The following ATXN1 variants were observed in gnomAD, a reference collection of about 807,000 sequenced individuals.
ATXN1 encodes the protein ataxin 1, also known as ataxin-1.
Under a neutral mutation model 56.4 loss-of-function variants are expected in ATXN1, and 8 were observed. The ratio of observed to expected loss-of-function variants is 0.14; its 90% CI spans 0.08 to 0.26. The LOEUF (loss-of-function observed/expected upper bound fraction) is 0.26, where lower values mean the gene tolerates loss of function less well. ATXN1 is among the 10% of genes least tolerant of loss of function. The probability of loss-of-function intolerance (pLI) is 1.00; values close to 1 mark genes in which losing one functional copy is unlikely to be tolerated. For missense variants in ATXN1, 987 were observed against 1,106.5 expected (o/e 0.89, Z 1.53); for synonymous variants, 514 against 494.6 (o/e 1.04, Z -0.52).
intron 3 of ATXN1, among the ~76,000 whole-genome samples, chr6:16,601,962 C>A (rs1295376370): frequency 6.6e-6 from 1 of 152,124 alleles, no homozygotes; most frequent in Non-Finnish European, 1.5e-5. Flanking sequence ...GCAGAAAATT[C>A]TCACGTATTT....
chr6:16,448,463 C>T (rs1364816018), intron 6 of ATXN1, among the ~76,000 whole-genome samples: 1 of 152,142 alleles, frequency 6.6e-6, no homozygotes, highest in Non-Finnish European at 1.5e-5. Context: ...ACTGATATAT[C>T]ACAGGTGTAC....
At chr6:16,635,841 C>T (rs1362350500) in intron 3 of ATXN1, among the ~76,000 whole-genome samples, 1 of 150,018 alleles carries the variant, frequency 6.7e-6, no homozygotes, top group Non-Finnish European at 1.5e-5. Flanking sequence ...AGGCAGGCAA[C>T]CCCGCACAGC....
rs74817128 is a variant in ATXN1, at chr6:16,493,258, C to A, written c.-298-7149G>T. ...CACAATCTGGCCCCAGCATGCTTTT[C>A]CAACTTCATTTCTACTTCTCCCCTC... On this transcript the variant is annotated intron_variant, in intron 5 of 7. Coordinates refer to ENST00000436367, the MANE Select transcript of ATXN1 (RefSeq NM_001128164.2). Among the ~76,000 whole-genome samples the A allele has an allele frequency of 2.0e-5, 3 of 152,296 alleles. No individual in the cohort carries two copies. In the East Asian group the frequency reaches 5.8e-4, roughly 29 times the overall value.
chr6:16,658,246 C>T (rs1758246157), intron 2 of ATXN1, among the ~76,000 whole-genome samples: 1 of 152,138 alleles, frequency 6.6e-6, no homozygotes, highest in South Asian at 2.1e-4. Flanking sequence ...TTCAGTACGT[C>T]TAAGTGATTA....
chr6:16,507,456 C>T (rs1447793323), intron 5 of ATXN1, among the ~76,000 whole-genome samples: 2 of 152,168 alleles, frequency 1.3e-5, no homozygotes, highest in African/African-American at 2.4e-5. Flanking sequence ...CATTTATGAG[C>T]AATGGGCTCA....
In ATXN1 at chr6:16,555,977, G is replaced by A. The variant is rs997670690; in HGVS notation, c.-361+29803C>T. ...CTCTCTAGTTTGGCTTTCTTTGCAA[G>A]AGATCAAAACATTCTTTTTTCTTTA... On this transcript the variant is annotated intron_variant, in intron 4 of 7. Coordinates refer to ENST00000436367, the MANE Select transcript of ATXN1 (RefSeq NM_001128164.2). Among the ~76,000 whole-genome samples the A allele has an allele frequency of 2.0e-5, 3 of 152,302 alleles. No homozygotes were observed. In the South Asian group the frequency reaches 6.2e-4, roughly 32 times the overall value.
intron 4 of ATXN1, among the ~76,000 whole-genome samples, chr6:16,564,212 T>C (rs1291816429): frequency 6.6e-6 from 1 of 152,188 alleles, no homozygotes; most frequent in East Asian, 1.9e-4. Flanking sequence ...TTGATATTCT[T>C]ACCCTTCTAC....
chr6:16,388,908 T>C (rs1758294277), intron 6 of ATXN1, among the ~76,000 whole-genome samples: 1 of 152,176 alleles, frequency 6.6e-6, no homozygotes, highest in Non-Finnish European at 1.5e-5. Flanking sequence ...ATAATTATCA[T>C]TATTTAAAAA....
intron 2 of ATXN1, among the ~76,000 whole-genome samples, chr6:16,725,346 T>C (rs1759826805): frequency 6.6e-6 from 1 of 152,136 alleles, no homozygotes; most frequent in African/African-American, 2.4e-5. Flanking sequence ...TTATTGCGAG[T>C]TCCTTAAGGA....
At chr6:16,348,199 G>T (rs978311104) in intron 6 of ATXN1, among the ~76,000 whole-genome samples, 3 of 152,170 alleles carry the variant, frequency 2.0e-5, no homozygotes, top group African/African-American at 7.2e-5. Flanking sequence ...TAGTAGCTGG[G>T]ATTACAGACT....
chr6:16,644,383 C>T (rs555685049), intron 3 of ATXN1, among the ~76,000 whole-genome samples: 16 of 152,098 alleles, frequency 1.1e-4, no homozygotes, highest in Admixed American at 2.6e-4. Context: ...GGCGTGGCGG[C>T]ATGCGCCTGT....
At chr6:16,347,863 A>G (rs1035123319) in intron 6 of ATXN1, among the ~76,000 whole-genome samples, 2 of 151,922 alleles carry the variant, frequency 1.3e-5, no homozygotes, top group Non-Finnish European at 2.9e-5. Flanking sequence ...CCCTTTCCAC[A>G]CTGTGGAAGC....
At chr6:16,675,987 T>C (rs554629878) in intron 2 of ATXN1, among the ~76,000 whole-genome samples, 15 of 152,264 alleles carry the variant, frequency 9.9e-5, no homozygotes, top group African/African-American at 3.4e-4. Context: ...ATACACATCA[T>C]CATACATGTC....
At chr6:16,400,015 G>A (rs1317845423) in intron 6 of ATXN1, among the ~76,000 whole-genome samples, 1 of 152,120 alleles carries the variant, frequency 6.6e-6, no homozygotes, top group Non-Finnish European at 1.5e-5. Flanking sequence ...CATCACTAGG[G>A]AGCATGTGGG....
intron 4 of ATXN1, among the ~76,000 whole-genome samples, chr6:16,546,497 C>A (rs1761817305): frequency 6.6e-6 from 1 of 152,170 alleles, no homozygotes; most frequent in East Asian, 1.9e-4. Flanking sequence ...ACGTTTTTAA[C>A]TGGACCCTGA....
intron 2 of ATXN1, among the ~76,000 whole-genome samples, chr6:16,660,937 C>T (rs1758307611): frequency 7.3e-6 from 1 of 137,890 alleles, no homozygotes; most frequent in African/African-American, 2.7e-5. Flanking sequence ...CTTCTGGTTT[C>T]AAGCAATTCT....
chr6:16,336,585 T>C (rs1761128027), intron 6 of ATXN1, among the ~76,000 whole-genome samples: 1 of 152,128 alleles, frequency 6.6e-6, no homozygotes, highest in Non-Finnish European at 1.5e-5. Flanking sequence ...CTGGCACAGG[T>C]CGGACGTGAG....
chr6:16,541,680 C>G (rs1011923414), intron 4 of ATXN1, among the ~76,000 whole-genome samples: 43 of 152,190 alleles, frequency 2.8e-4, no homozygotes, highest in Non-Finnish European at 5.6e-4. Flanking sequence ...CAGTGCCGCA[C>G]TTGGACCTGT....
intron 4 of ATXN1, among the ~76,000 whole-genome samples, chr6:16,558,813 A>G (rs995697019): frequency 1.3e-5 from 2 of 152,214 alleles, no homozygotes; most frequent in Non-Finnish European, 2.9e-5. Context: ...TAATTTTTTA[A>G]AACCCTGCAT....
Sources: allele counts gnomAD v4.1 joint callset (sites outside exome capture counted in the v4.1 genomes callset), GRCh38; gene constraint gnomAD v4.1.1; transcripts MANE v1.5; gene names NCBI Gene and HGNC (gene_info 2026-07-23, HGNC 2026-07-21).